NOL11: variants seen among roughly 807,000 people sequenced by gnomAD.
NOL11 encodes nucleolar protein 11.
A neutral mutation model predicts 93.0 loss-of-function variants in NOL11; 42 were observed. The observed-to-expected ratio is 0.45, with a 90% CI of 0.35 to 0.58. The LOEUF is 0.58. Among genes scored for constraint, NOL11 ranks in the 20% least tolerant of loss-of-function variants. The pLI is 0.00. For synonymous variants in NOL11, 296 were observed against 293.7 expected (o/e 1.01, Z -0.08); for missense variants, 775 against 841.8 (o/e 0.92, Z 0.98).
intron 7 of NOL11, among the ~76,000 whole-genome samples, chr17:67,729,522 A>G (rs765294745): frequency 1.6e-4 from 25 of 151,754 alleles, no homozygotes; most frequent in Non-Finnish European, 2.9e-4. Flanking sequence ...GCAACCACCA[A>G]TTTGCATTCT....
At chr17:67,736,072 C>G (rs1567804089) in intron 9 of NOL11, 49 bp downstream of exon 9, 1 of 1,516,108 alleles carries the variant, frequency 6.6e-7, no homozygotes, top group Admixed American at 2.0e-5. Context: ...GTTTTATTAA[C>G]TTGTAGTTTC....
In NOL11 at chr17:67,737,399, A is replaced by G. The variant is rs149078240; in HGVS notation, c.1219-109A>G. ...CAGTGTCAGCTTCAGCTTTGCAGGA[A>G]TGCATGATAACTGTTAGTCATTTGA... On this transcript the variant is annotated intron_variant, in intron 11 of 17. Coordinates refer to ENST00000253247, the MANE Select transcript of NOL11 (RefSeq NM_015462.5). 3,598 of 906,158 alleles carry G rather than the reference A, an allele frequency of 4.0e-3. 29 individuals are homozygous for G. Among genetic ancestry groups the G allele is most frequent in the Middle Eastern group, 0.015 (44 of 2,862 alleles). The allele number at this position is 906,158 out of a possible 1,614,324, so 56.1% of individuals were successfully genotyped here. A position where few individuals can be genotyped will look rare whatever the true frequency, so the allele number is the denominator to read the frequency against.
chr17:67,721,412 A>C lies in NOL11; in HGVS notation c.347A>C (p.Gln116Pro), dbSNP rs781770292. The change falls in exon 4 of 18, where the codon CAA (glutamine) becomes CCA (proline). Residue 116 changes from glutamine to proline, a missense_variant. Transcript: ENST00000253247. ...GAAGTATATAGGATACTTTCAGTGC[A>C]AGGGACAGAACCCTTGGTGCTCTTC... ...SAEVYRILSV[Q>P]GTEPLVLFKE... 2 of 1,608,744 alleles carry C rather than the reference A, an allele frequency of 1.2e-6. No homozygotes were observed. The highest frequency in any genetic ancestry group is 1.7e-6 in the Non-Finnish European group (2 of 1,178,266).
intron 7 of NOL11, among the ~76,000 whole-genome samples, 161 bp from the exon 8 acceptor site, chr17:67,734,202 A>G (rs912373668): frequency 2.6e-5 from 4 of 152,058 alleles, no homozygotes; most frequent in Non-Finnish European, 4.4e-5. Context: ...TCTTCTTACC[A>G]TGAGCTCTCA....
At chr17:67,736,856 T>TAAG in intron 10 of NOL11, 102 bp downstream of exon 10, 2 of 891,904 alleles carry the variant, frequency 2.2e-6, no homozygotes, top group Non-Finnish European at 3.5e-6. Flanking sequence ...CTTAGAGCTT[T>TAAG]GACTATAATG....
chr17:67,722,945 C>T (rs2043229390), intron 5 of NOL11, among the ~76,000 whole-genome samples: 1 of 151,866 alleles, frequency 6.6e-6, no homozygotes, highest in Non-Finnish European at 1.5e-5. Flanking sequence ...CCTGCCTTGG[C>T]CTTTCAAAGT....
At chr17:67,733,477 A>C (rs184613470) in intron 7 of NOL11, among the ~76,000 whole-genome samples, 9 of 152,182 alleles carry the variant, frequency 5.9e-5, no homozygotes, top group Non-Finnish European at 1.3e-4. Context: ...TTAGGGGGAC[A>C]GTTTTCAGTC....
chr17:67,739,638 G>T, intron 16 of NOL11, 30 bp downstream of exon 16: 1 of 1,388,884 alleles, frequency 7.2e-7, no homozygotes, highest in Non-Finnish European at 1.0e-6. Context: ...TTGATTTGGT[G>T]CTGGGAAAAA....
chr17:67,728,180 A>G (rs545285012), intron 7 of NOL11, among the ~76,000 whole-genome samples: 1 of 152,154 alleles, frequency 6.6e-6, no homozygotes, highest in Non-Finnish European at 1.5e-5. Context: ...GAATGGCGTG[A>G]GCCTGGGAGG....
intron 7 of NOL11, among the ~76,000 whole-genome samples, chr17:67,728,208 T>C (rs1390240090): frequency 2.0e-5 from 3 of 151,854 alleles, no homozygotes; most frequent in Non-Finnish European, 2.9e-5. Flanking sequence ...TGCAGTGAGC[T>C]GAGATCACAC....
intron 15 of NOL11, 126 bp downstream of exon 15, chr17:67,739,136 C>A: frequency 1.4e-6 from 1 of 695,314 alleles, no homozygotes; most frequent in Non-Finnish European, 2.4e-6. Flanking sequence ...GGTTGCCCAG[C>A]TCTAATGGCA....
At position 67,726,524 on chromosome 17, in the gene NOL11, G is replaced by C; in HGVS notation, c.729G>C (p.Gln243His). 4 of 1,614,068 alleles carry C rather than the reference G, an allele frequency of 2.5e-6. No individual in the cohort carries two copies. The East Asian group carries it at 8.9e-5, about 36-fold the overall frequency. The change falls in exon 7 of 18, where the codon CAG (glutamine) becomes CAC (histidine). Residue 243 changes from glutamine (Q) to histidine (H), a missense_variant. Gln to His is a conservative substitution (Grantham distance 24). This residue lies in a region of NOL11 where 359 missense variants were observed against 316.5 expected (regional missense o/e 1.13). Transcript: ENST00000253247. ...PIRPADPEKN[Q>H]SLVKSLLLKA... is the part of the protein sequence containing the mutation. ...GTCCAGCTGACCCAGAAAAAAATCAGAGCTTAGTTAAATCACTGCTGCTCA... is the reference window on the plus strand; with the variant it reads ...GTCCAGCTGACCCAGAAAAAAATCACAGCTTAGTTAAATCACTGCTGCTCA...
At position 67,743,569 on chromosome 17, in the gene NOL11, A is replaced by C. The variant is rs1344250446; in HGVS notation, c.2026A>C (p.Lys676Gln). 2.5e-6 allele frequency: 4 copies of C among 1,595,940 alleles called. No homozygotes were observed. The highest frequency in any genetic ancestry group is 1.3e-5 in the African/African-American group (1 of 74,434). ...EAKRLLINLYKLVKSQISVYS... is the reference protein window; with the variant it reads ...EAKRLLINLYQLVKSQISVYS... ...AAAGAGGCTACTGATAAATCTTTACAAGCTTGTAAAATCTCAGGTTTGTGA... is the reference window on the plus strand; with the variant it reads ...AAAGAGGCTACTGATAAATCTTTACCAGCTTGTAAAATCTCAGGTTTGTGA... The change falls in exon 17 of 18, where the codon AAG becomes CAG. Residue 676 changes from lysine (K) to glutamine (Q), a missense_variant. Coordinates refer to ENST00000253247, the MANE Select transcript of NOL11 (RefSeq NM_015462.5).
intron 16 of NOL11, among the ~76,000 whole-genome samples, chr17:67,742,952 A>G (rs753892015): frequency 2.6e-5 from 4 of 152,208 alleles, no homozygotes; most frequent in Non-Finnish European, 5.9e-5. Flanking sequence ...TTAAAAATAA[A>G]AAGACAACTA....
chr17:67,740,527 T>G (rs2055246115), intron 16 of NOL11: 1 of 150,672 alleles, frequency 6.6e-6, no homozygotes, highest in Non-Finnish European at 1.5e-5. Context: ...GAGAATCACT[T>G]GAACCCGGGA....
At position 67,721,409 on chromosome 17, in the gene NOL11, T is replaced by C. The variant is rs2291284; in HGVS notation, c.344T>C (p.Val115Ala). The C allele has an allele frequency of 0.014, 21,848 of 1,607,990 alleles. 2,196 individuals carry two copies. The East Asian group carries it at 0.29, about 21-fold the overall frequency. Residue 115 changes from valine to alanine, a missense_variant, in exon 4 of 18, where the codon GTG becomes GCG. By Grantham distance (64) the Val-to-Ala change is moderately conservative (BLOSUM62 0). Coordinates refer to ENST00000253247, the MANE Select transcript of NOL11 (RefSeq NM_015462.5). ...GCAGAAGTATATAGGATACTTTCAG[T>C]GCAAGGGACAGAACCCTTGGTGCTC... The part of the protein sequence containing the change: ...LSAEVYRILS[V>A]QGTEPLVLFK...
chr17:67,730,722 CATA>C (rs1399770347), intron 7 of NOL11, among the ~76,000 whole-genome samples: 3 of 152,316 alleles, frequency 2.0e-5, no homozygotes, highest in African/African-American at 7.2e-5. Context: ...GCATGCAATG[CATA>C]ATAATCACGT....
chr17:67,742,970 G>A (rs542751196), intron 16 of NOL11, among the ~76,000 whole-genome samples: 7 of 152,296 alleles, frequency 4.6e-5, no homozygotes, highest in South Asian at 2.1e-4. Context: ...CTACTGGCGC[G>A]GTGTCTCAAG....
At chr17:67,735,815 T>G (rs939800916) in intron 8 of NOL11, 85 bp from the exon 9 acceptor site, 1 of 1,090,388 alleles carries the variant, frequency 9.2e-7, no homozygotes, top group Non-Finnish European at 1.3e-6. Context: ...TACTGAGCAC[T>G]TATACAGTGA....
Sources: allele counts gnomAD v4.1 joint callset (sites outside exome capture counted in the v4.1 genomes callset), GRCh38; gene constraint gnomAD v4.1.1; regional missense constraint gnomAD v4.1.1; transcripts MANE v1.5; gene names NCBI Gene and HGNC (gene_info 2026-07-23, HGNC 2026-07-21).